CCDC102B: variants seen among roughly 807,000 people sequenced by gnomAD.
CCDC102B encodes coiled-coil domain-containing protein 102B.
Under a neutral mutation model 57.4 loss-of-function variants are expected in CCDC102B, and 75 were observed. The ratio of observed to expected loss-of-function variants is 1.31; its 90% CI spans 1.08 to 1.58. The LOEUF (loss-of-function observed/expected upper bound fraction) is 1.58, where lower values mean the gene tolerates loss of function less well. Among genes scored for constraint, CCDC102B ranks in the 40% most tolerant of loss-of-function variants. The pLI is 0.00. For synonymous variants in CCDC102B, 206 were observed against 201.9 expected, an observed-to-expected ratio of 1.02 and a Z score of -0.17; for missense variants, 636 against 582.6, an observed-to-expected ratio of 1.09 and a Z score of -0.94.
intron 6 of CCDC102B, among the ~76,000 whole-genome samples, chr18:68,980,069 A>T (rs1312093333): frequency 6.6e-6 from 1 of 151,900 alleles, no homozygotes; most frequent in East Asian, 1.9e-4. Flanking sequence ...GACACTTCAG[A>T]GTGTCCAGGG....
intron 7 of CCDC102B, among the ~76,000 whole-genome samples, chr18:69,020,027 G>A (rs2051785182): frequency 6.7e-6 from 1 of 149,860 alleles, no homozygotes; most frequent in South Asian, 2.1e-4. Flanking sequence ...TTCGTGTGTT[G>A]AAATTTTTTC....
At chr18:68,756,829 C>T (rs2145258183) in intron 2 of CCDC102B, among the ~76,000 whole-genome samples, 1 of 152,142 alleles carries the variant, frequency 6.6e-6, no homozygotes, top group Middle Eastern at 3.4e-3. Flanking sequence ...ACAGGCATGA[C>T]CTGTTAATGC....
At chr18:68,922,063 A>C (rs2145111437) in intron 6 of CCDC102B, among the ~76,000 whole-genome samples, 1 of 152,232 alleles carries the variant, frequency 6.6e-6, no homozygotes, top group Non-Finnish European at 1.5e-5. Context: ...GCCAATCAGC[A>C]ATATTGATCT....
chr18:69,046,159 T>G (rs964090099), intron 7 of CCDC102B, among the ~76,000 whole-genome samples: 1 of 152,064 alleles, frequency 6.6e-6, no homozygotes, highest in Non-Finnish European at 1.5e-5. Flanking sequence ...TTTTAAGTAT[T>G]TGGAGGAATC....
intron 2 of CCDC102B, among the ~76,000 whole-genome samples, chr18:68,773,610 A>C (rs1169166825): frequency 1.3e-5 from 2 of 152,006 alleles, no homozygotes; most frequent in Admixed American, 1.3e-4. Flanking sequence ...TATTTGTTAA[A>C]ATTGAATACA....
intron 6 of CCDC102B, among the ~76,000 whole-genome samples, chr18:68,931,350 G>A (rs549574536): frequency 6.6e-6 from 1 of 151,830 alleles, no homozygotes; most frequent in South Asian, 2.1e-4. Context: ...CTCAAAAGAC[G>A]TAATGGTAGA....
chr18:68,983,344 T>C (rs1037677536), intron 6 of CCDC102B, among the ~76,000 whole-genome samples: 2 of 151,994 alleles, frequency 1.3e-5, no homozygotes, highest in Non-Finnish European at 2.9e-5. Context: ...AACAATATTA[T>C]GCAGGAAAAA....
chr18:68,835,929 T>C (rs547507919), intron 1 of CCDC102B, among the ~76,000 whole-genome samples: 30 of 152,284 alleles, frequency 2.0e-4, no homozygotes, highest in African/African-American at 6.7e-4. Context: ...TATGGCTGCC[T>C]TGAGACTAGT....
At chr18:68,805,877 A>T (rs1037499676) in intron 1 of CCDC102B, among the ~76,000 whole-genome samples, 2 of 152,324 alleles carry the variant, frequency 1.3e-5, no homozygotes, top group South Asian at 4.1e-4. Context: ...GTTTCATTAT[A>T]TAAATGTTAA....
chr18:69,003,785 A>T (rs2051268615), intron 6 of CCDC102B, among the ~76,000 whole-genome samples: 1 of 152,228 alleles, frequency 6.6e-6, no homozygotes, highest in Admixed American at 6.5e-5. Context: ...CTTAGAAATA[A>T]GATAAAATTT....
At chr18:68,955,395 T>C (rs1416528899) in intron 6 of CCDC102B, among the ~76,000 whole-genome samples, 1 of 152,120 alleles carries the variant, frequency 6.6e-6, no homozygotes, top group African/African-American at 2.4e-5. Flanking sequence ...CTATTATTTA[T>C]AGTCTGATTT....
chr18:68,793,457 C>G (rs1270534168), upstream of CCDC102B, among the ~76,000 whole-genome samples: 1 of 152,040 alleles, frequency 6.6e-6, no homozygotes, highest in Non-Finnish European at 1.5e-5. Context: ...AGAATAAAAA[C>G]CAATGTTAGA....
chr18:68,878,326 T>C (rs1365050654), intron 5 of CCDC102B, among the ~76,000 whole-genome samples: 1 of 152,098 alleles, frequency 6.6e-6, no homozygotes, highest in African/African-American at 2.4e-5. Flanking sequence ...CCTGAACTCC[T>C]AAGCTAAATG....
intron 7 of CCDC102B, among the ~76,000 whole-genome samples, chr18:69,027,725 A>T (rs1296476312): frequency 1.3e-5 from 2 of 152,144 alleles, no homozygotes; most frequent in Non-Finnish European, 2.9e-5. Context: ...ACAATTTCAT[A>T]GAAATATATA....
chr18:68,751,475 A>G (rs2033848704), intron 2 of CCDC102B, among the ~76,000 whole-genome samples: 1 of 152,150 alleles, frequency 6.6e-6, no homozygotes, highest in Non-Finnish European at 1.5e-5. Flanking sequence ...ATCACCAAGA[A>G]AAAGCACAAA....
chr18:68,993,517 T>C (rs978387225), intron 6 of CCDC102B: 4 of 152,240 alleles, frequency 2.6e-5, no homozygotes, highest in Non-Finnish European at 5.9e-5. Flanking sequence ...ATATTTTTGG[T>C]CTTTTACTAC....
intron 6 of CCDC102B, among the ~76,000 whole-genome samples, chr18:68,980,415 A>G (rs2050549139): frequency 6.6e-6 from 1 of 151,442 alleles, no homozygotes; most frequent in African/African-American, 2.4e-5. Context: ...AAAAAATTCT[A>G]TATACAGAGC....
At chr18:68,970,713 C>A (rs1488100030) in intron 6 of CCDC102B, among the ~76,000 whole-genome samples, 1 of 151,954 alleles carries the variant, frequency 6.6e-6, no homozygotes, top group Non-Finnish European at 1.5e-5. Context: ...ACAGTGTTTT[C>A]TGAATGCAAT....
In CCDC102B at chr18:68,963,061, T is replaced by A. The variant is rs138363547; in HGVS notation, c.1264-47873T>A. On this transcript the variant is annotated intron_variant, in intron 6 of 7. Coordinates refer to ENST00000360242, the MANE Select transcript of CCDC102B (RefSeq NM_024781.3). Reference sequence around the variant, plus strand: ...CAGTTTAGGTAGAGAAAGAAAACATTCCTTAGTAGATGATGTAGAGAAAAA... The same window carrying A: ...CAGTTTAGGTAGAGAAAGAAAACATACCTTAGTAGATGATGTAGAGAAAAA... Among the ~76,000 whole-genome samples the A allele has an allele frequency of 4.3e-3, 655 of 152,062 alleles. 3 individuals are homozygous for A. Among genetic ancestry groups the A allele is most frequent in the African/African-American group, 0.014 (601 of 41,524 alleles).
Sources: gnomAD v4.1 joint callset for allele counts (sites outside exome capture counted in the v4.1 genomes callset) on GRCh38, gnomAD v4.1.1 for gene constraint, MANE v1.5 for transcripts, NCBI Gene and HGNC (gene_info 2026-07-23, HGNC 2026-07-21) for gene names.